Variants in ANXA4 observed in about 807,000 individuals in gnomAD.
ANXA4 encodes annexin A4.
In ANXA4, 39 loss-of-function variants were observed where a neutral mutation model predicts 49.8. That is an observed-to-expected ratio of 0.78 (90% confidence interval 0.61 to 1.02). ANXA4 has a LOEUF of 1.02. ANXA4 is among the 50% of genes least tolerant of loss of function. The probability of loss-of-function intolerance (pLI) is 0.00; values close to 1 mark genes in which losing one functional copy is unlikely to be tolerated. For synonymous variants in ANXA4, 134 were observed against 152.5 expected (o/e 0.88, Z 0.89); for missense variants, 360 against 410.1 (o/e 0.88, Z 1.05).
intron 2 of ANXA4, among the ~76,000 whole-genome samples, chr2:69,689,536 T>C (rs1220178850): frequency 6.6e-6 from 1 of 152,214 alleles, no homozygotes; most frequent in East Asian, 1.9e-4. Context: ...AATGCAACTG[T>C]CTTACAATAA....
At chr2:69,816,039 AT>A in intron 8 of ANXA4, 61 bp from the exon 9 acceptor site, 1 of 1,328,502 alleles carries the variant, frequency 7.5e-7, no homozygotes, top group Admixed American at 1.7e-5. Context: ...TTCTGGAAAT[AT>A]TTGCCTGTGT....
intron 8 of ANXA4, among the ~76,000 whole-genome samples, chr2:69,813,502 T>C (rs955160600): frequency 7.9e-5 from 12 of 152,104 alleles, no homozygotes; most frequent in Non-Finnish European, 1.2e-4. Context: ...CCGCCTGCCT[T>C]GGCCTCCCAA....
At chr2:69,772,164 A>G (rs1671747330) in intron 1 of ANXA4, among the ~76,000 whole-genome samples, 1 of 152,202 alleles carries the variant, frequency 6.6e-6, no homozygotes, top group African/African-American at 2.4e-5. Context: ...CCAAAATGGG[A>G]GCGTGTTTGC....
intron 1 of ANXA4, among the ~76,000 whole-genome samples, chr2:69,649,635 A>G (rs1676152452): frequency 8.8e-6 from 1 of 113,978 alleles, no homozygotes; most frequent in African/African-American, 3.6e-5. Context: ...TTTTTAAGAC[A>G]GTGTCTCGCC....
chr2:69,820,746 A>G lies in ANXA4; in HGVS notation c.831A>G (p.Arg277=), dbSNP rs962715108. The change falls in exon 12 of 13, where the codon CGA becomes CGG. Residue 277 remains arginine, a synonymous_variant. Transcript: ENST00000394295. ...DNTLIRVMVS[R]AEIDMLDIRA... The stretch of plus-strand genomic sequence containing the variant: ...CCCTCATCAGAGTGATGGTTTCTCG[A>G]GCAGAAATTGACATGTTGGATATCC... The G allele has an allele frequency of 2.5e-6, 4 of 1,613,990 alleles. No individual in the cohort carries two copies. In the African/African-American group the frequency reaches 5.3e-5, roughly 22 times the overall value.
chr2:69,787,065 C>G (rs1672447952), intron 2 of ANXA4, among the ~76,000 whole-genome samples: 1 of 152,140 alleles, frequency 6.6e-6, no homozygotes, highest in African/African-American at 2.4e-5. Context: ...TTCTCTCCAC[C>G]TGTGTGATTT....
upstream of ANXA4, among the ~76,000 whole-genome samples, chr2:69,739,808 A>C (rs964268391): frequency 4.6e-5 from 7 of 152,172 alleles, no homozygotes; most frequent in African/African-American, 1.4e-4. Context: ...GTTTCCTGGA[A>C]ACAGAGCCTG....
intron 3 of ANXA4, among the ~76,000 whole-genome samples, chr2:69,728,901 T>C (rs1332971376): frequency 6.6e-6 from 1 of 152,262 alleles, no homozygotes; most frequent in Non-Finnish European, 1.5e-5. Flanking sequence ...TACCTCAAAC[T>C]CTTGATGAGA....
intron 2 of ANXA4, among the ~76,000 whole-genome samples, chr2:69,706,923 C>T (rs1678519305): frequency 1.3e-5 from 2 of 152,178 alleles, no homozygotes; most frequent in South Asian, 4.1e-4. Flanking sequence ...CATCTTCCTC[C>T]TTTATTTCAC....
At chr2:69,732,952 A>ACAGAT (rs978924740) in intron 3 of ANXA4, among the ~76,000 whole-genome samples, 27 of 152,132 alleles carry the variant, frequency 1.8e-4, no homozygotes, top group African/African-American at 6.3e-4. Context: ...TCTTAAGGTC[A>ACAGAT]CCAGTTAGGA....
At chr2:69,819,877 G>T (rs1674156340) in intron 11 of ANXA4, among the ~76,000 whole-genome samples, 1 of 152,032 alleles carries the variant, frequency 6.6e-6, no homozygotes, top group African/African-American at 2.4e-5. Flanking sequence ...AGACCAGCCT[G>T]GCCGTCATGG....
chr2:69,753,070 C>T (rs955230419), intron 1 of ANXA4, among the ~76,000 whole-genome samples: 7 of 152,218 alleles, frequency 4.6e-5, no homozygotes, highest in African/African-American at 7.2e-5. Flanking sequence ...CCCTACCCTG[C>T]AATTCGTAAT....
At chr2:69,654,644 C>G (rs1676370842) in intron 2 of ANXA4, among the ~76,000 whole-genome samples, 1 of 152,192 alleles carries the variant, frequency 6.6e-6, no homozygotes, top group Non-Finnish European at 1.5e-5. Context: ...CTGACTTGAT[C>G]ATGGCAGATA....
intron 2 of ANXA4, among the ~76,000 whole-genome samples, chr2:69,687,332 G>A (rs573788738): frequency 2.8e-4 from 42 of 152,008 alleles, no homozygotes; most frequent in Admixed American, 2.3e-3. Context: ...GGTGAGACCC[G>A]TCTCTACTAA....
At chr2:69,644,137 C>T (rs1675894287), upstream of ANXA4, among the ~76,000 whole-genome samples, 1 of 142,948 alleles carries the variant, frequency 7.0e-6, no homozygotes, top group Non-Finnish European at 1.5e-5. Flanking sequence ...TTAAACACAT[C>T]CCGTGAAGAA....
At chr2:69,706,228 A>G (rs1678491215) in intron 2 of ANXA4, among the ~76,000 whole-genome samples, 1 of 145,254 alleles carries the variant, frequency 6.9e-6, no homozygotes, top group Non-Finnish European at 1.5e-5. Flanking sequence ...GCATTTCAGT[A>G]TCTAGTGTGA....
chr2:69,805,463 G>T (rs918864441), intron 4 of ANXA4, among the ~76,000 whole-genome samples: 1 of 151,916 alleles, frequency 6.6e-6, no homozygotes, highest in Non-Finnish European at 1.5e-5. Flanking sequence ...AAAATTAGCT[G>T]GGCATGGTGG....
chr2:69,774,230 T>C lies in ANXA4; in HGVS notation c.-46-7290T>C, dbSNP rs1671867794. On this transcript the variant is annotated intron_variant, in intron 1 of 12. Transcript: ENST00000394295. The stretch of plus-strand genomic sequence containing the variant: ...AACTAACCTCATGTTTTTATTAGCA[T>C]CTGTAAGACCCATAAGGGGAAACTG... Among the ~76,000 whole-genome samples the C allele has an allele frequency of 3.3e-5, 5 of 151,844 alleles. No individual in the cohort carries two copies. The South Asian group carries it at 8.3e-4, about 25-fold the overall frequency.
intron 2 of ANXA4, among the ~76,000 whole-genome samples, chr2:69,668,345 C>T (rs1677020628): frequency 6.6e-6 from 1 of 152,120 alleles, no homozygotes; most frequent in East Asian, 1.9e-4. Flanking sequence ...GGCATGGTGG[C>T]TCATGCCTGT....
Sources: gnomAD v4.1 joint callset for allele counts (sites outside exome capture counted in the v4.1 genomes callset) on GRCh38, gnomAD v4.1.1 for gene constraint, MANE v1.5 for transcripts, NCBI Gene and HGNC (gene_info 2026-07-23, HGNC 2026-07-21) for gene names.